FANCA: variants seen among roughly 807,000 people sequenced by gnomAD.
FANCA encodes the protein Fanconi anemia group A protein.
In FANCA, 236 loss-of-function variants were observed where a neutral mutation model predicts 194.3. The observed-to-expected ratio is 1.21, with a 90% CI of 1.09 to 1.35. FANCA has a LOEUF of 1.35. Ranked by LOEUF, FANCA falls within the 40% of genes most tolerant of loss-of-function variation. FANCA has a pLI of 0.00. For synonymous variants in FANCA, 1,014 were observed against 715.8 expected (o/e 1.42, Z -6.65); for missense variants, 2,628 against 1,813.9 (o/e 1.45, Z -8.15).
Position 89,744,854 on chromosome 16 carries a change from C to A in FANCA, c.3626+105G>T. ...TTCTCCCTGCTCACACGAGAGGCTGCCCACACCGCTTCTCTCAAGCAAGCC... is the reference window on the plus strand; with the variant it reads ...TTCTCCCTGCTCACACGAGAGGCTGACCACACCGCTTCTCTCAAGCAAGCC... On this transcript the variant is annotated intron_variant, in intron 36 of 42. Transcript: ENST00000389301. 3 of 1,034,054 alleles carry A rather than the reference C, an allele frequency of 2.9e-6. No homozygotes were observed. The East Asian group carries it at 7.7e-5, about 27-fold the overall frequency. 64.1% of individuals were successfully genotyped at this position (1,034,054 alleles called of 1,614,324 possible).
intron 17 of FANCA, 55 bp downstream of exon 17, chr16:89,782,803 AC>A: frequency 6.8e-7 from 1 of 1,467,280 alleles, no homozygotes; most frequent in Non-Finnish European, 9.5e-7. Flanking sequence ...AAGAAACTGG[AC>A]CTTTGCATGG....
At chr16:89,777,623 C>G (rs1051978893) in intron 20 of FANCA, among the ~76,000 whole-genome samples, 1 of 151,666 alleles carries the variant, frequency 6.6e-6, no homozygotes, top group African/African-American at 2.4e-5. Flanking sequence ...GGTCCCAGAA[C>G]TTTATAAATT....
In FANCA at chr16:89,738,525, GCAA is replaced by G. The variant is rs1322939633; in HGVS notation, c.*73_*75del. 6.3e-7 allele frequency: 1 copy of G among 1,598,270 alleles called. No homozygotes were observed. Among genetic ancestry groups the G allele is most frequent in the Non-Finnish European group, 8.6e-7 (1 of 1,168,604 alleles). ...GGAGATTTGTAATCCACTTTTTAGTGCAACAAGAGCTCCATGTTATGCTTGTAA... is the reference window on the plus strand; with the variant it reads ...GGAGATTTGTAATCCACTTTTTAGTGCAAGAGCTCCATGTTATGCTTGTAA... On this transcript the variant is annotated 3_prime_UTR_variant, in exon 43 of 43. Transcript: ENST00000389301.
Position 89,811,124 on chromosome 16 carries a change from A to G in FANCA, c.284-53T>C, listed in dbSNP as rs2040863241. The G allele has an allele frequency of 3.7e-6, 6 of 1,611,910 alleles. No homozygotes were observed. The Admixed American group carries it at 6.7e-5, about 18-fold the overall frequency. On this transcript the variant is annotated intron_variant, in intron 3 of 42. Coordinates refer to ENST00000389301, the MANE Select transcript of FANCA (RefSeq NM_000135.4). ...TCTCTTAACACATGAGACAAAATCT[A>G]AAACCAAAGACTTGCTGTTTAAAAT...
At chr16:89,814,178 T>C (rs887407563) in intron 3 of FANCA, among the ~76,000 whole-genome samples, 9 of 152,124 alleles carry the variant, frequency 5.9e-5, no homozygotes, top group Admixed American at 1.3e-4. Flanking sequence ...ACCTAGAAAA[T>C]TGTTCTCCCG....
chr16:89,798,967 C>T (rs770657759), intron 10 of FANCA, 199 bp downstream of exon 10: 223 of 1,612,976 alleles, frequency 1.4e-4, no homozygotes, highest in Non-Finnish European at 1.8e-4. Context: ...ACCTCATCCT[C>T]ACAGGAAAAG....
chr16:89,778,928 G>C lies in FANCA; in HGVS notation c.1776+15C>G, dbSNP rs376346254. 44 of 1,614,046 alleles carry C rather than the reference G, an allele frequency of 2.7e-5. 1 individual carries two copies. The Middle Eastern group carries it at 1.5e-3, about 54-fold the overall frequency. On this transcript the variant is annotated intron_variant, in intron 19 of 42. Coordinates refer to ENST00000389301, the MANE Select transcript of FANCA (RefSeq NM_000135.4). Reference sequence around the variant, plus strand: ...CTACACAACTGGTCACAAACTCATGGAGACGCATACTGACCACTCGAGGTG... The same window carrying C: ...CTACACAACTGGTCACAAACTCATGCAGACGCATACTGACCACTCGAGGTG...
At position 89,764,917 on chromosome 16, in the gene FANCA, T is replaced by C; in HGVS notation, c.2751A>G (p.Arg917=). The change falls in exon 28 of 43, where the codon CGA becomes CGG. Residue 917 remains arginine (R), a synonymous_variant. Coordinates refer to ENST00000389301, the MANE Select transcript of FANCA (RefSeq NM_000135.4). ...ALSLWTHRTF[R]EVLKEEDVHL... ...GAACATCTTCCTCTTTCAACACCTC[T>C]CGGAAGGTTCTGTGTGTCCAGAGAG... 1 of 1,614,120 alleles carries C rather than the reference T, an allele frequency of 6.2e-7. No homozygotes were observed. Among genetic ancestry groups the C allele is most frequent in the Non-Finnish European group, 8.5e-7 (1 of 1,180,004 alleles).
At chr16:89,782,232 C>T (rs988716407) in intron 17 of FANCA, among the ~76,000 whole-genome samples, 11 of 152,106 alleles carry the variant, frequency 7.2e-5, no homozygotes, top group African/African-American at 2.6e-4. Context: ...AAAAAATTAG[C>T]CAGGCGTGGT....
At chr16:89,776,357 C>T (rs1318113013) in intron 20 of FANCA, among the ~76,000 whole-genome samples, 1 of 150,812 alleles carries the variant, frequency 6.6e-6, no homozygotes, top group Non-Finnish European at 1.5e-5. Flanking sequence ...TTAGTAGAGA[C>T]GGAGTTTCAC....
At chr16:89,744,935 C>T (rs55892948) in intron 36 of FANCA, 24 bp downstream of exon 36, 11 of 1,603,988 alleles carry the variant, frequency 6.9e-6, no homozygotes, top group East Asian at 4.5e-5. Context: ...GGCGGGCACA[C>T]CCCATCTCAC....
intron 31 of FANCA, 64 bp downstream of exon 31, chr16:89,752,074 A>G: frequency 2.0e-6 from 3 of 1,470,900 alleles, no homozygotes; most frequent in Non-Finnish European, 2.9e-6. Flanking sequence ...CTGGCAATAA[A>G]TATCTTAATA....
rs140013110 is a variant in FANCA, at chr16:89,790,637, G to A, written c.1359+766C>T. Among the ~76,000 whole-genome samples, 484 of 152,032 alleles carry A rather than the reference G, an allele frequency of 3.2e-3. 5 individuals are homozygous for A. Among genetic ancestry groups the A allele is most frequent in the African/African-American group, 0.011 (450 of 41,470 alleles). ...CCAGCTACTCAGGAGGCTGAGGCAGGAGAATAGCTTGAAACGGGGCAGCGG... is the reference window on the plus strand; with the variant it reads ...CCAGCTACTCAGGAGGCTGAGGCAGAAGAATAGCTTGAAACGGGGCAGCGG... On this transcript the variant is annotated intron_variant, in intron 14 of 42. Transcript: ENST00000389301.
intron 36 of FANCA, 146 bp downstream of exon 36, chr16:89,744,813 C>A: frequency 1.3e-6 from 1 of 770,016 alleles, no homozygotes; most frequent in Non-Finnish European, 2.2e-6. Context: ...CCCACCACCA[C>A]GAGAACTCGG....
intron 29 of FANCA, among the ~76,000 whole-genome samples, chr16:89,759,262 G>A (rs535747867): frequency 2.9e-4 from 42 of 142,736 alleles, no homozygotes; most frequent in Admixed American, 5.1e-4. Flanking sequence ...GGAGCTTGCA[G>A]TGAGCTGAGA....
chr16:89,816,462 G>A, intron 1 of FANCA, 75 bp downstream of exon 1: 1 of 1,319,744 alleles, frequency 7.6e-7, no homozygotes, highest in South Asian at 1.5e-5. Context: ...GCTCTGGCGG[G>A]AAGGGATCGG....
Position 89,758,575 on chromosome 16 carries a change from A to G in FANCA, c.2981+2T>C. On this transcript the variant is annotated splice_donor_variant, in intron 30 of 42. Transcript: ENST00000389301. LOFTEE classifies it high-confidence loss of function. ...AACCCTAATACAGTGTGTGCTGCTA[A>G]CCTTTGGTGGAAATCCATCAGTGCG... 6.2e-7 allele frequency: 1 copy of G among 1,613,434 alleles called. No homozygotes were observed. Among genetic ancestry groups the G allele is most frequent in the Non-Finnish European group, 8.5e-7 (1 of 1,179,548 alleles).
chr16:89,804,000 G>A (rs929769257), intron 7 of FANCA, among the ~76,000 whole-genome samples: 1 of 152,130 alleles, frequency 6.6e-6, no homozygotes, highest in Non-Finnish European at 1.5e-5. Context: ...ATACCAGAGG[G>A]TCTAGAGGGA....
chr16:89,803,476 T>C (rs2040528487), intron 7 of FANCA, 135 bp from the exon 8 acceptor site: 1 of 786,322 alleles, frequency 1.3e-6, no homozygotes, highest in Admixed American at 1.9e-5. Flanking sequence ...GAGCTGCTCC[T>C]AACCTGAGGA....
Sources: gnomAD v4.1 joint callset for allele counts (sites outside exome capture counted in the v4.1 genomes callset) on GRCh38, gnomAD v4.1.1 for gene constraint, MANE v1.5 for transcripts, NCBI Gene and HGNC (gene_info 2026-07-23, HGNC 2026-07-21) for gene names.